The following RAD18 variants were observed in gnomAD, a reference collection of about 807,000 sequenced individuals.
The protein encoded by RAD18 is RAD18 E3 ubiquitin protein ligase.
A neutral mutation model predicts 60.4 loss-of-function variants in RAD18; 47 were observed. The ratio of observed to expected loss-of-function variants is 0.78; its 90% confidence interval spans 0.62 to 0.99. RAD18 has a LOEUF of 0.99. Among genes scored for constraint, RAD18 ranks in the 50% least tolerant of loss-of-function variants. RAD18 has a pLI of 0.00. For synonymous variants in RAD18, 225 were observed against 195.5 expected (o/e 1.15, Z -1.26); for missense variants, 640 against 593.3 (o/e 1.08, Z -0.82).
intron 9 of RAD18, among the ~76,000 whole-genome samples, chr3:8,907,152 T>C (rs1940022512): frequency 6.6e-6 from 1 of 152,244 alleles, no homozygotes. Flanking sequence ...TTGCCTGGAA[T>C]ACCCACTTGC....
intron 7 of RAD18, among the ~76,000 whole-genome samples, chr3:8,921,884 G>T (rs1448366205): frequency 1.3e-5 from 2 of 152,080 alleles, no homozygotes; most frequent in Admixed American, 6.5e-5. Flanking sequence ...TAGTAACAAG[G>T]TATTATAGAG....
At chr3:8,932,825 C>T (rs1053236960) in intron 7 of RAD18, among the ~76,000 whole-genome samples, 22 of 152,114 alleles carry the variant, frequency 1.4e-4, no homozygotes, top group Non-Finnish European at 2.5e-4. Flanking sequence ...TGGCTGGGCA[C>T]GGGGGCTCAT....
intron 7 of RAD18, among the ~76,000 whole-genome samples, chr3:8,920,841 C>A (rs990106181): frequency 2.6e-5 from 4 of 151,986 alleles, no homozygotes; most frequent in African/African-American, 9.7e-5. Context: ...AAGATATTAC[C>A]ACGAAATGCA....
At chr3:8,936,152 G>A (rs1025680639) in intron 6 of RAD18, 97 bp from the exon 7 acceptor site, 15 of 1,170,248 alleles carry the variant, frequency 1.3e-5, no homozygotes, top group South Asian at 7.3e-5. Flanking sequence ...CTGGGTGACC[G>A]GGAAAATAGT....
intron 7 of RAD18, among the ~76,000 whole-genome samples, chr3:8,916,785 TG>T (rs1005594307): frequency 6.6e-6 from 1 of 151,348 alleles, no homozygotes; most frequent in African/African-American, 2.4e-5. Context: ...TTATCCAATC[TG>T]AAACACAGAG....
chr3:8,940,644 T>C (rs45464094), intron 5 of RAD18, among the ~76,000 whole-genome samples: 3,513 of 152,288 alleles, frequency 0.023, 58 homozygotes, highest in Non-Finnish European at 0.032. Flanking sequence ...TTAAACAAGC[T>C]GACATATTCA....
At position 8,924,631 on chromosome 3, in the gene RAD18, A is replaced by C. The variant is rs191587142; in HGVS notation, c.890-10911T>G. ...TACACTCTTCTCAGCACCACATCAC[A>C]CTTATTCCAAAATTGACCATAGTTG... On this transcript the variant is annotated intron_variant, in intron 7 of 12. Coordinates refer to ENST00000264926, the MANE Select transcript of RAD18 (RefSeq NM_020165.4). Among the ~76,000 whole-genome samples the C allele has an allele frequency of 6.4e-4, 86 of 134,424 alleles. 1 individual carries two copies. In the South Asian group the frequency reaches 8.3e-3, roughly 13 times the overall value. The allele number at this position is 134,424 out of a possible 152,430, so 88.2% of individuals were successfully genotyped here. A position where few individuals can be genotyped will look rare whatever the true frequency, so the allele number is the denominator to read the frequency against.
At chr3:8,915,486 G>C (rs1260773342) in intron 7 of RAD18, among the ~76,000 whole-genome samples, 10 of 151,922 alleles carry the variant, frequency 6.6e-5, no homozygotes, top group Admixed American at 6.6e-4. Flanking sequence ...TAAACTTTTT[G>C]ATGAACTGCA....
At chr3:8,918,635 G>GGA (rs1940253988) in intron 7 of RAD18, among the ~76,000 whole-genome samples, 3 of 152,040 alleles carry the variant, frequency 2.0e-5, no homozygotes, top group African/African-American at 7.3e-5. Flanking sequence ...TATAGACTAT[G>GGA]CTCTGGAGAA....
In RAD18 at chr3:8,959,078, T is replaced by C. The variant is rs149681630; in HGVS notation, c.52-77A>G. 1.4e-4 allele frequency: 154 copies of C among 1,130,258 alleles called. No individual in the cohort carries two copies. In the African/African-American group the frequency reaches 2.2e-3, roughly 16 times the overall value. The allele number at this position is 1,130,258 out of a possible 1,614,324, so 70.0% of individuals were successfully genotyped here. On this transcript the variant is annotated intron_variant, in intron 1 of 12. Coordinates refer to ENST00000264926, the MANE Select transcript of RAD18 (RefSeq NM_020165.4). ...GTCCTGTCACAAAACTTTTTCTCTA[T>C]CCCCTAAAAAAAAAATCAAACTCTT...
At chr3:8,909,751 T>C (rs113270608) in intron 9 of RAD18, among the ~76,000 whole-genome samples, 6,029 of 152,236 alleles carry the variant, frequency 0.04, 403 homozygotes, top group African/African-American at 0.14. Context: ...ACCAGGGGTG[T>C]CCAATCTTTT....
chr3:8,929,304 G>A (rs940914426), intron 7 of RAD18, among the ~76,000 whole-genome samples: 2 of 151,948 alleles, frequency 1.3e-5, no homozygotes, highest in African/African-American at 4.8e-5. Flanking sequence ...GCTGAAGGAT[G>A]ATTCTTTAGA....
At chr3:8,886,170 C>T (rs1464038059) in intron 12 of RAD18, among the ~76,000 whole-genome samples, 2 of 152,162 alleles carry the variant, frequency 1.3e-5, no homozygotes, top group Admixed American at 6.5e-5. Context: ...ATTTACTTAA[C>T]CCTTGCCTGG....
chr3:8,927,069 T>C (rs374707665), intron 7 of RAD18, among the ~76,000 whole-genome samples: 3 of 152,090 alleles, frequency 2.0e-5, no homozygotes, highest in Non-Finnish European at 4.4e-5. Flanking sequence ...GGGATCTAAT[T>C]AAACTAAAGA....
rs1406026331 is a variant in RAD18, at chr3:8,880,119, A to G, written c.*1238T>C. On this transcript the variant is annotated 3_prime_UTR_variant, in exon 13 of 13. Transcript: ENST00000264926. ...TGAAATTATTATGACAAATTTTTCTATAGCCATTTCTAACACAGGGAACTC... is the reference window on the plus strand; with the variant it reads ...TGAAATTATTATGACAAATTTTTCTGTAGCCATTTCTAACACAGGGAACTC... The G allele has an allele frequency of 1.3e-5, 2 of 152,202 alleles. No homozygotes were observed. The highest frequency in any genetic ancestry group is 4.8e-5 in the African/African-American group (2 of 41,444). 9.4% of individuals were successfully genotyped at this position (152,202 alleles called of 1,614,324 possible).
At chr3:8,954,220 T>G (rs1940972272) in intron 2 of RAD18, among the ~76,000 whole-genome samples, 1 of 152,258 alleles carries the variant, frequency 6.6e-6, no homozygotes. Flanking sequence ...TTGGACCTCC[T>G]GTTCTTTTCA....
intron 12 of RAD18, among the ~76,000 whole-genome samples, chr3:8,889,057 A>C (rs1487365469): frequency 6.6e-6 from 1 of 152,202 alleles, no homozygotes; most frequent in African/African-American, 2.4e-5. Flanking sequence ...TCTCAAACTT[A>C]CATAAAATGC....
chr3:8,953,593 A>G (rs1308989478), intron 2 of RAD18, among the ~76,000 whole-genome samples: 3 of 152,210 alleles, frequency 2.0e-5, no homozygotes, highest in Admixed American at 6.5e-5. Flanking sequence ...GGCTTCATTT[A>G]AATCACCTAT....
chr3:8,940,348 G>C (rs1404337147), intron 5 of RAD18, among the ~76,000 whole-genome samples: 2 of 152,036 alleles, frequency 1.3e-5, no homozygotes, highest in Non-Finnish European at 2.9e-5. Flanking sequence ...GGGAAAAAAG[G>C]TTCCGCTAGG....
Sources: allele counts gnomAD v4.1 joint callset (sites outside exome capture counted in the v4.1 genomes callset), GRCh38; gene constraint gnomAD v4.1.1; transcripts MANE v1.5; gene names NCBI Gene and HGNC (gene_info 2026-07-23, HGNC 2026-07-21).